Variants in TADA2A observed in about 807,000 individuals in gnomAD.
TADA2A encodes transcriptional adaptor 2A, also known as transcriptional adapter 2-alpha.
TADA2A carries 38 observed loss-of-function variants against 67.4 expected under a neutral mutation model. The ratio of observed to expected loss-of-function variants is 0.56; its 90% confidence interval spans 0.44 to 0.74. The LOEUF (loss-of-function observed/expected upper bound fraction) is 0.74, where lower values mean the gene tolerates loss of function less well. Among genes scored for constraint, TADA2A ranks in the 30% least tolerant of loss-of-function variants. The pLI is 0.00. For synonymous variants in TADA2A, 192 were observed against 181.6 expected, an observed-to-expected ratio of 1.06 and a Z score of -0.46; for missense variants, 454 against 547.0, an observed-to-expected ratio of 0.83 and a Z score of 1.70.
At position 37,406,898 on chromosome 17, in the gene TADA2A, G is replaced by A. The variant is rs988799211; in HGVS notation, c.-149G>A. The A allele has an allele frequency of 2.2e-5, 3 of 135,076 alleles. No homozygotes were observed. Among genetic ancestry groups the A allele is most frequent in the Non-Finnish European group, 4.8e-5 (3 of 62,880 alleles). The allele number at this position is 135,076 out of a possible 1,614,324, so 8.4% of individuals were successfully genotyped here. A position where few individuals can be genotyped will look rare whatever the true frequency, so the allele number is the denominator to read the frequency against. ...CCCGGGGGCGCGCACGCAAAGCCCG[G>A]AGGCGCGCGCGACCGGCGGCTCTTT... On this transcript the variant is annotated 5_prime_UTR_variant, in exon 1 of 16. Transcript: ENST00000615182.
intron 15 of TADA2A, among the ~76,000 whole-genome samples, chr17:37,476,500 C>T (rs993005307): frequency 6.6e-6 from 1 of 152,200 alleles, no homozygotes; most frequent in Non-Finnish European, 1.5e-5. Flanking sequence ...AAGAGCCAGG[C>T]TGCTCCTCAG....
Position 37,458,510 on chromosome 17 carries a change from G to T in TADA2A, c.605-14G>T. On this transcript the variant is annotated splice_polypyrimidine_tract_variant and intron_variant, in intron 8 of 15. Transcript: ENST00000615182. ...TGATATGTATATATAGTATATGTAT[G>T]AATTTATTTGTAGCTCTGAAGATGG... 6.2e-7 allele frequency: 1 copy of T among 1,600,910 alleles called. No homozygotes were observed.
chr17:37,458,637 TTGTGTGTGTG>T (rs55935249), intron 9 of TADA2A, 50 bp downstream of exon 9: 169 of 981,178 alleles, frequency 1.7e-4, no homozygotes, highest in East Asian at 2.8e-4. Context: ...GATTATTGTT[TTGTGTGTGTG>T]TGTGTGTGTG....
At position 37,465,686 on chromosome 17, in the gene TADA2A, T is replaced by C. The variant is rs368841370; in HGVS notation, c.823+145T>C. Reference sequence around the variant, plus strand: ...TCCCCTTTATTACCATGAGACAAATTTGGGACTATGGGGGTGGCAGAAGAG... The same window carrying C: ...TCCCCTTTATTACCATGAGACAAATCTGGGACTATGGGGGTGGCAGAAGAG... On this transcript the variant is annotated intron_variant, in intron 11 of 15. Coordinates refer to ENST00000615182, the MANE Select transcript of TADA2A (RefSeq NM_001166105.3). The C allele has an allele frequency of 4.0e-5, 59 of 1,465,590 alleles. No homozygotes were observed. In the East Asian group the frequency reaches 1.3e-3, roughly 32 times the overall value. The allele number at this position is 1,465,590 out of a possible 1,614,324, so 90.8% of individuals were successfully genotyped here.
chr17:37,408,003 C>G (rs2051679877), intron 1 of TADA2A: 1 of 153,096 alleles, frequency 6.5e-6, no homozygotes, highest in Admixed American at 6.5e-5. Context: ...TCTCCTGCCT[C>G]AGCCTCCCGA....
At chr17:37,471,483 A>C (rs2053786067) in intron 14 of TADA2A, among the ~76,000 whole-genome samples, 3 of 152,030 alleles carry the variant, frequency 2.0e-5, no homozygotes, top group South Asian at 4.2e-4. Context: ...GATAAATTAA[A>C]AGCTTTTTAT....
At chr17:37,464,221 A>G (rs1386328405) in intron 10 of TADA2A, among the ~76,000 whole-genome samples, 1 of 152,232 alleles carries the variant, frequency 6.6e-6, no homozygotes, top group East Asian at 1.9e-4. Flanking sequence ...TGATATTTGC[A>G]TGACAGTTGT....
At chr17:37,475,647 G>A (rs1215425003) in intron 15 of TADA2A, among the ~76,000 whole-genome samples, 1 of 152,024 alleles carries the variant, frequency 6.6e-6, no homozygotes, top group Admixed American at 6.6e-5. Context: ...TGTATTTTTA[G>A]TAGAGACGGG....
Position 37,479,307 on chromosome 17 carries a change from G to A in TADA2A, c.*2325G>A, listed in dbSNP as rs2053945478. Reference sequence around the variant, plus strand: ...CTGGGTAGTTAGGAGTGGGAGGATGGTAGGACAGTCTGACAGAAACCTTGG... The same window carrying A: ...CTGGGTAGTTAGGAGTGGGAGGATGATAGGACAGTCTGACAGAAACCTTGG... On this transcript the variant is annotated 3_prime_UTR_variant, in exon 16 of 16. Transcript: ENST00000615182. The A allele has an allele frequency of 6.6e-6, 1 of 152,282 alleles. No homozygotes were observed. The highest frequency in any genetic ancestry group is 2.4e-5 in the African/African-American group (1 of 41,442). The allele number at this position is 152,282 out of a possible 1,614,324, so 9.4% of individuals were successfully genotyped here.
At chr17:37,444,259 CAA>C (rs5820215) in intron 7 of TADA2A, among the ~76,000 whole-genome samples, 8 of 132,056 alleles carry the variant, frequency 6.1e-5, no homozygotes, top group Admixed American at 8.1e-5. Context: ...ACCCTGTTTC[CAA>C]AAAAAAAAAA....
chr17:37,435,546 T>C (rs1008142410), intron 4 of TADA2A, among the ~76,000 whole-genome samples: 7 of 152,024 alleles, frequency 4.6e-5, no homozygotes, highest in African/African-American at 1.7e-4. Flanking sequence ...CCTTGGCCTC[T>C]CAAAGTGCTG....
chr17:37,453,505 G>A (rs1343605088), intron 8 of TADA2A, among the ~76,000 whole-genome samples: 2 of 152,136 alleles, frequency 1.3e-5, no homozygotes, highest in Non-Finnish European at 2.9e-5. Context: ...GCTAGAACAG[G>A]CAGAAGGGGT....
chr17:37,422,938 CA>C (rs1320588048), intron 2 of TADA2A, among the ~76,000 whole-genome samples: 1 of 152,116 alleles, frequency 6.6e-6, no homozygotes, highest in Non-Finnish European at 1.5e-5. Context: ...ATGAAACTTC[CA>C]GTTAAAAATG....
chr17:37,407,348 G>A (rs2051607577), intron 1 of TADA2A: 1 of 152,414 alleles, frequency 6.6e-6, no homozygotes, highest in African/African-American at 2.4e-5. Context: ...TCAGTACCCT[G>A]TTAGAGCTGA....
At chr17:37,408,925 A>G (rs1429631155) in intron 1 of TADA2A, among the ~76,000 whole-genome samples, 1 of 152,192 alleles carries the variant, frequency 6.6e-6, no homozygotes, top group African/African-American at 2.4e-5. Context: ...GCTAAAAATT[A>G]CCAGGGTGAA....
intron 5 of TADA2A, among the ~76,000 whole-genome samples, chr17:37,439,886 T>G (rs1057076007): frequency 6.6e-6 from 1 of 151,244 alleles, no homozygotes; most frequent in Non-Finnish European, 1.5e-5. Flanking sequence ...CACAGGAAAA[T>G]TTACAAATTT....
rs573850850 is a variant in TADA2A at position 37,431,107 on chromosome 17, G to A, written c.192+4098G>A. On this transcript the variant is annotated intron_variant, in intron 4 of 15. Coordinates refer to ENST00000615182, the MANE Select transcript of TADA2A (RefSeq NM_001166105.3). ...GTTCTAAGTGCCTGTGTAATCTGAA[G>A]ACCTCCTGTGTGGTCTTCAGATTAT... Among the ~76,000 whole-genome samples, 7 of 152,072 alleles carry A rather than the reference G, an allele frequency of 4.6e-5. 1 individual carries two copies. In the South Asian group the frequency reaches 1.2e-3, roughly 27 times the overall value.
Position 37,476,786 on chromosome 17 carries a change from G to T in TADA2A, c.1147-11G>T. On this transcript the variant is annotated splice_polypyrimidine_tract_variant and intron_variant, in intron 15 of 15. Coordinates refer to ENST00000615182, the MANE Select transcript of TADA2A (RefSeq NM_001166105.3). Reference sequence around the variant, plus strand: ...GATGTTAATGTTTATTAAATTTGCCGTGTCTTGCAGCTCTGTCAGATGGTG... The same window carrying T: ...GATGTTAATGTTTATTAAATTTGCCTTGTCTTGCAGCTCTGTCAGATGGTG... 1.9e-6 allele frequency: 3 copies of T among 1,587,012 alleles called. No individual in the cohort carries two copies. Among genetic ancestry groups the T allele is most frequent in the Non-Finnish European group, 2.6e-6 (3 of 1,163,170 alleles).
intron 8 of TADA2A, 145 bp from the exon 9 acceptor site, chr17:37,458,379 A>G: frequency 2.7e-6 from 1 of 369,552 alleles, no homozygotes; most frequent in East Asian, 5.6e-5. Context: ...GAATATTTTT[A>G]TGTTTTCTAG....
Sources: gnomAD v4.1 joint callset for allele counts (sites outside exome capture counted in the v4.1 genomes callset) on GRCh38, gnomAD v4.1.1 for gene constraint, MANE v1.5 for transcripts, NCBI Gene and HGNC (gene_info 2026-07-23, HGNC 2026-07-21) for gene names.